The following NXPE2 variants were observed in gnomAD, a reference collection of about 807,000 sequenced individuals.
The protein encoded by NXPE2 is neurexophilin and PC-esterase domain family member 2.
In NXPE2, 34 loss-of-function variants were observed where a neutral mutation model predicts 34.4. The observed-to-expected ratio is 0.99, with a 90% CI of 0.75 to 1.31. The LOEUF (loss-of-function observed/expected upper bound fraction) is 1.31, where lower values mean the gene tolerates loss of function less well. Among genes scored for constraint, NXPE2 ranks in the 40% most tolerant of loss-of-function variants. NXPE2 has a pLI of 0.00. For synonymous variants in NXPE2, 235 were observed against 231.3 expected, an observed-to-expected ratio of 1.02 and a Z score of -0.15; for missense variants, 649 against 672.5, an observed-to-expected ratio of 0.97 and a Z score of 0.39.
At chr11:114,535,694 C>T in the NXPE2 span, among the ~76,000 whole-genome samples, 1 of 152,132 alleles carries the variant, frequency 6.6e-6, no homozygotes, top group Admixed American at 6.5e-5. Flanking sequence ...AAGGCCATTA[C>T]ATAATGGTAA....
At chr11:114,603,015 TTCTC>T in the NXPE2 span, among the ~76,000 whole-genome samples, 7 of 151,210 alleles carry the variant, frequency 4.6e-5, no homozygotes, top group Admixed American at 2.0e-4. Flanking sequence ...TATATAATAA[TTCTC>T]TCATATATAA....
chr11:114,642,569 C>T, the NXPE2 span, among the ~76,000 whole-genome samples: 1 of 152,062 alleles, frequency 6.6e-6, no homozygotes, highest in Non-Finnish European at 1.5e-5. Flanking sequence ...CCAGCTTCAT[C>T]TATGTCCCTG....
chr11:114,616,366 A>G, the NXPE2 span, among the ~76,000 whole-genome samples: 1 of 151,492 alleles, frequency 6.6e-6, no homozygotes, highest in Non-Finnish European at 1.5e-5. Flanking sequence ...ACGTGTAACC[A>G]CTGTTACCCA....
chr11:114,610,684 T>A, the NXPE2 span, among the ~76,000 whole-genome samples: 2 of 152,066 alleles, frequency 1.3e-5, no homozygotes, highest in Non-Finnish European at 2.9e-5. Context: ...GCCTCGTGGT[T>A]AACCACTGTT....
chr11:114,666,182 C>T, the NXPE2 span, among the ~76,000 whole-genome samples: 3 of 152,112 alleles, frequency 2.0e-5, no homozygotes, highest in Non-Finnish European at 4.4e-5. Flanking sequence ...TCACATTTTC[C>T]CCATTTTGCT....
At chr11:114,616,123 A>G in the NXPE2 span, among the ~76,000 whole-genome samples, 6 of 151,666 alleles carry the variant, frequency 4.0e-5, no homozygotes, top group African/African-American at 1.5e-4. Flanking sequence ...AACCACTGTT[A>G]TCCGGTGGAT....
the NXPE2 span, among the ~76,000 whole-genome samples, chr11:114,479,804 G>C: frequency 6.6e-6 from 1 of 152,142 alleles, no homozygotes; most frequent in African/African-American, 2.4e-5. Context: ...GAATACCCAA[G>C]CCTGAGTAAT....
downstream of NXPE2, among the ~76,000 whole-genome samples, chr11:114,709,676 C>T (rs1033067842): frequency 4.6e-5 from 7 of 152,164 alleles, no homozygotes; most frequent in East Asian, 3.9e-4. Flanking sequence ...GGAGCCAAGG[C>T]GGGCGGATCA....
In NXPE2 at chr11:114,678,564, G is replaced by T; in HGVS notation, c.-12G>T. The T allele has an allele frequency of 6.5e-7, 1 of 1,545,822 alleles. No homozygotes were observed. Among genetic ancestry groups the T allele is most frequent in the South Asian group, 1.2e-5 (1 of 83,914 alleles). ...TCTCTGGACACTATAATTCCTGTGA[G>T]AACACGAGAAGATGGTGGAGAAAAT... On this transcript the variant is annotated 5_prime_UTR_variant, in exon 1 of 6. Coordinates refer to ENST00000389586, the MANE Select transcript of NXPE2 (RefSeq NM_182495.6).
the NXPE2 span, among the ~76,000 whole-genome samples, chr11:114,587,494 T>A: frequency 6.6e-6 from 1 of 152,212 alleles, no homozygotes; most frequent in Non-Finnish European, 1.5e-5. Flanking sequence ...GTCATGCAGA[T>A]CACACAAGTC....
At chr11:114,576,922 A>G in the NXPE2 span, among the ~76,000 whole-genome samples, 1 of 149,764 alleles carries the variant, frequency 6.7e-6, no homozygotes, top group Admixed American at 6.7e-5. Flanking sequence ...CAATTGCAAA[A>G]ATAAGGAACC....
At chr11:114,746,647 C>T in the NXPE2 span, among the ~76,000 whole-genome samples, 705 of 152,108 alleles carry the variant, frequency 4.6e-3, 3 homozygotes, top group African/African-American at 0.015. Flanking sequence ...GTCAGGAGAT[C>T]GAGACCATCC....
In NXPE2 at chr11:114,701,320, T is replaced by C. The variant is rs147521346; in HGVS notation, c.866+2542T>C. ...TGGATCCCTCTTGAGGTGGTCCTCA[T>C]TGAAGCCTGGGTTGAAGGTACCATC... On this transcript the variant is annotated intron_variant, in intron 3 of 5. Coordinates refer to ENST00000389586, the MANE Select transcript of NXPE2 (RefSeq NM_182495.6). Among the ~76,000 whole-genome samples, 660 of 152,226 alleles carry C rather than the reference T, an allele frequency of 4.3e-3. 3 individuals carry two copies. Among genetic ancestry groups the C allele is most frequent in the Non-Finnish European group, 5.4e-3 (364 of 68,014 alleles).
chr11:114,475,256 T>C, the NXPE2 span, among the ~76,000 whole-genome samples: 815 of 82,848 alleles, frequency 9.8e-3, 12 homozygotes, highest in African/African-American at 0.041. Flanking sequence ...TTTTTTTTTT[T>C]TTTTTGAGAT....
At chr11:114,622,706 G>A in the NXPE2 span, among the ~76,000 whole-genome samples, 22 of 150,652 alleles carry the variant, frequency 1.5e-4, no homozygotes, top group Non-Finnish European at 2.2e-4. Flanking sequence ...CCCTTTTCCC[G>A]GTGGATAATA....
chr11:114,629,441 G>T, the NXPE2 span, among the ~76,000 whole-genome samples: 1 of 151,516 alleles, frequency 6.6e-6, no homozygotes, highest in African/African-American at 2.4e-5. Context: ...CTCAATAGAT[G>T]CAGAAAAGGC....
the NXPE2 span, among the ~76,000 whole-genome samples, chr11:114,794,851 G>GCCCC: frequency 2.4e-5 from 3 of 125,396 alleles, no homozygotes; most frequent in African/African-American, 8.8e-5. Flanking sequence ...TTGCACCCCC[G>GCCCC]CCCCCCCCAA....
the NXPE2 span, among the ~76,000 whole-genome samples, chr11:114,643,924 C>T: frequency 6.6e-6 from 1 of 151,866 alleles, no homozygotes; most frequent in Non-Finnish European, 1.5e-5. Flanking sequence ...TTTTTTGTGT[C>T]CTCTCTTATT....
At chr11:114,643,640 A>G in the NXPE2 span, among the ~76,000 whole-genome samples, 23 of 152,044 alleles carry the variant, frequency 1.5e-4, no homozygotes, top group Non-Finnish European at 2.9e-4. Context: ...TACCAGTTCC[A>G]TGCTGTTTTC....
Sources: allele counts gnomAD v4.1 joint callset (sites outside exome capture counted in the v4.1 genomes callset), GRCh38; gene constraint gnomAD v4.1.1; transcripts MANE v1.5; gene names NCBI Gene and HGNC (gene_info 2026-07-23, HGNC 2026-07-21).